SLC37A3: variants seen among roughly 807,000 people sequenced by gnomAD.
SLC37A3 encodes the protein sugar phosphate exchanger 3.
Under a neutral mutation model 67.1 loss-of-function variants are expected in SLC37A3, and 51 were observed. The ratio of observed to expected loss-of-function variants is 0.76; its 90% CI spans 0.61 to 0.96. The LOEUF (loss-of-function observed/expected upper bound fraction) is 0.96, where lower values mean the gene tolerates loss of function less well. SLC37A3 is among the 40% of genes least tolerant of loss of function. The pLI is 0.00. For missense variants in SLC37A3, 508 were observed against 603.0 expected, an observed-to-expected ratio of 0.84 and a Z score of 1.65; for synonymous variants, 214 against 231.4, an observed-to-expected ratio of 0.92 and a Z score of 0.68.
intron 3 of SLC37A3, among the ~76,000 whole-genome samples, chr7:140,379,058 A>G (rs1798144870): frequency 6.6e-6 from 1 of 152,140 alleles, no homozygotes; most frequent in Non-Finnish European, 1.5e-5. Context: ...GGCTGGGCAC[A>G]GTGGCTCCTA....
Position 140,335,352 on chromosome 7 carries a change from C to G in SLC37A3, c.*60G>C, listed in dbSNP as rs772414538. 9 of 1,614,020 alleles carry G rather than the reference C, an allele frequency of 5.6e-6. No homozygotes were observed. Among genetic ancestry groups the G allele is most frequent in the Non-Finnish European group, 7.6e-6 (9 of 1,180,042 alleles). On this transcript the variant is annotated 3_prime_UTR_variant, in exon 15 of 15. Coordinates refer to ENST00000326232, the MANE Select transcript of SLC37A3 (RefSeq NM_207113.3). ...CTAGACAAACCCAAATTAGGGCAGACTCGAAGCCCCAGCGGTCCTGATGTG... is the reference window on the plus strand; with the variant it reads ...CTAGACAAACCCAAATTAGGGCAGAGTCGAAGCCCCAGCGGTCCTGATGTG...
intron 10 of SLC37A3, among the ~76,000 whole-genome samples, chr7:140,346,440 ACTGT>A (rs1796564818): frequency 6.6e-6 from 1 of 152,180 alleles, no homozygotes; most frequent in Non-Finnish European, 1.5e-5. Flanking sequence ...TTAGGAATAA[ACTGT>A]CTGTTAAATC....
intron 2 of SLC37A3, among the ~76,000 whole-genome samples, chr7:140,381,668 A>G (rs1197546544): frequency 6.6e-6 from 1 of 152,042 alleles, no homozygotes; most frequent in Admixed American, 6.6e-5. Flanking sequence ...GATGTATGCT[A>G]TGTTACTAAG....
intron 1 of SLC37A3, among the ~76,000 whole-genome samples, chr7:140,397,242 G>T (rs1798973384): frequency 1.4e-5 from 2 of 147,814 alleles, no homozygotes; most frequent in African/African-American, 4.9e-5. Flanking sequence ...CACCCAGGCT[G>T]GAGTGCAGTG....
In SLC37A3 at chr7:140,339,346, C is replaced by T. The variant is rs182903349; in HGVS notation, c.1327-1997G>A. On this transcript the variant is annotated intron_variant, in intron 13 of 14. Coordinates refer to ENST00000326232, the MANE Select transcript of SLC37A3 (RefSeq NM_207113.3). The stretch of plus-strand genomic sequence containing the variant: ...TGTGATCTTGGCTCACTGCAACCTC[C>T]GCCTCCCAGGTTCAAGCGATTATCC... Among the ~76,000 whole-genome samples the T allele has an allele frequency of 7.4e-3, 1,117 of 150,822 alleles. 13 individuals are homozygous for T. Among genetic ancestry groups the T allele is most frequent in the African/African-American group, 0.023 (944 of 41,026 alleles).
At chr7:140,382,934 C>T (rs1393484623) in intron 1 of SLC37A3, among the ~76,000 whole-genome samples, 1 of 151,992 alleles carries the variant, frequency 6.6e-6, no homozygotes, top group African/African-American at 2.4e-5. Flanking sequence ...AAAGTTCAAT[C>T]CCACTAGTAA....
chr7:140,379,029 G>C (rs1002673819), intron 3 of SLC37A3, among the ~76,000 whole-genome samples: 2 of 151,488 alleles, frequency 1.3e-5, no homozygotes, highest in African/African-American at 4.8e-5. Context: ...ACGTAAGCAA[G>C]ATACAAACAA....
intron 7 of SLC37A3, among the ~76,000 whole-genome samples, chr7:140,353,715 GT>G (rs1465309025): frequency 6.6e-6 from 1 of 150,952 alleles, no homozygotes; most frequent in Non-Finnish European, 1.5e-5. Context: ...ACACTGTTTT[GT>G]TTTGTTTTTT....
intron 13 of SLC37A3, among the ~76,000 whole-genome samples, chr7:140,342,568 T>C (rs994194636): frequency 2.6e-5 from 4 of 152,248 alleles, no homozygotes; most frequent in Non-Finnish European, 5.9e-5. Context: ...CAGATCCATC[T>C]TTCTACAAAA....
chr7:140,386,160 G>C (rs1015907873), intron 1 of SLC37A3, among the ~76,000 whole-genome samples: 1 of 152,076 alleles, frequency 6.6e-6, no homozygotes, highest in African/African-American at 2.4e-5. Flanking sequence ...CACAACCTCA[G>C]CTCACTGCAG....
intron 3 of SLC37A3, chr7:140,379,288 A>C (rs74568452): frequency 0.1 from 15,323 of 151,972 alleles, 831 homozygotes; most frequent in South Asian, 0.19. Flanking sequence ...CCTGGCTAAC[A>C]TGGTGAAACC....
chr7:140,390,105 C>CAAAAAAAACA (rs529926305), intron 1 of SLC37A3, among the ~76,000 whole-genome samples: 1 of 152,058 alleles, frequency 6.6e-6, no homozygotes, highest in African/African-American at 2.4e-5. Flanking sequence ...CAAAACAAAA[C>CAAAAAAAACA]AAAAAAACCC....
At chr7:140,396,954 C>A (rs988706952) in intron 1 of SLC37A3, among the ~76,000 whole-genome samples, 2 of 147,746 alleles carry the variant, frequency 1.4e-5, no homozygotes, top group African/African-American at 5.0e-5. Context: ...GTAATTACAG[C>A]GCTTTGGGAG....
chr7:140,356,203 A>C (rs11765510), intron 6 of SLC37A3, among the ~76,000 whole-genome samples: 15,232 of 151,674 alleles, frequency 0.1, 866 homozygotes, highest in South Asian at 0.19. Flanking sequence ...CCCAAAAAAA[A>C]AAAACAAAAC....
intron 1 of SLC37A3, among the ~76,000 whole-genome samples, chr7:140,397,586 T>A (rs901109233): frequency 6.6e-6 from 1 of 152,042 alleles, no homozygotes; most frequent in Non-Finnish European, 1.5e-5. Context: ...TCAAACAAAC[T>A]GAAAAGAAAT....
intron 8 of SLC37A3, 198 bp from the exon 9 acceptor site, chr7:140,351,649 G>A (rs1386156825): frequency 1.7e-6 from 1 of 591,756 alleles, no homozygotes; most frequent in Non-Finnish European, 2.9e-6. Context: ...TAGAAGAATT[G>A]TACATCTGTT....
chr7:140,356,385 C>A (rs547143635), intron 6 of SLC37A3, among the ~76,000 whole-genome samples: 1 of 151,836 alleles, frequency 6.6e-6, no homozygotes, highest in South Asian at 2.1e-4. Context: ...AAGAAGCACA[C>A]GAAAAAACAC....
At chr7:140,384,323 T>C (rs1457568443) in intron 1 of SLC37A3, among the ~76,000 whole-genome samples, 1 of 152,156 alleles carries the variant, frequency 6.6e-6, no homozygotes, top group Non-Finnish European at 1.5e-5. Context: ...TGATGGATAA[T>C]TTTAATTTTC....
At chr7:140,348,794 C>T (rs747992772) in intron 9 of SLC37A3, 27 bp from the exon 10 acceptor site, 47 of 1,609,214 alleles carry the variant, frequency 2.9e-5, no homozygotes, top group Middle Eastern at 1.7e-4. Flanking sequence ...CAACTATCAG[C>T]GAGGGACAAA....
Sources: gnomAD v4.1 joint callset for allele counts (sites outside exome capture counted in the v4.1 genomes callset) on GRCh38, gnomAD v4.1.1 for gene constraint, MANE v1.5 for transcripts, NCBI Gene and HGNC (gene_info 2026-07-23, HGNC 2026-07-21) for gene names.